The following MECOM variants were observed in gnomAD, a reference collection of about 807,000 sequenced individuals.
MECOM encodes histone-lysine N-methyltransferase MECOM.
A neutral mutation model predicts 116.3 loss-of-function variants in MECOM; 13 were observed. The observed-to-expected ratio is 0.11, with a 90% CI of 0.07 to 0.18. The LOEUF (loss-of-function observed/expected upper bound fraction) is 0.18. MECOM is among the 10% of genes least tolerant of loss of function. The pLI is 1.00. For synonymous variants in MECOM, 528 were observed against 535.2 expected (o/e 0.99, Z 0.19); for missense variants, 1,299 against 1,509.0 (o/e 0.86, Z 2.31).
chr3:169,497,570 C>A (rs978419344), intron 1 of MECOM, among the ~76,000 whole-genome samples: 2 of 152,068 alleles, frequency 1.3e-5, no homozygotes, highest in African/African-American at 4.8e-5. Context: ...GTTGGCCAGG[C>A]TGGTCTCAAA....
At chr3:169,189,629 G>A (rs1184745780) in intron 2 of MECOM, among the ~76,000 whole-genome samples, 1 of 151,926 alleles carries the variant, frequency 6.6e-6, no homozygotes, top group Admixed American at 6.6e-5. Context: ...CCTTTTTGTT[G>A]TATCTGTGAG....
intron 1 of MECOM, among the ~76,000 whole-genome samples, chr3:169,405,178 C>T (rs1346866680): frequency 2.6e-5 from 4 of 152,084 alleles, no homozygotes; most frequent in Non-Finnish European, 5.9e-5. Context: ...ATCATCTAGT[C>T]TCTTTCTCTG....
intron 1 of MECOM, among the ~76,000 whole-genome samples, chr3:169,493,244 T>C (rs992845619): frequency 6.6e-5 from 10 of 152,154 alleles, no homozygotes; most frequent in Admixed American, 2.6e-4. Context: ...ATATGGTTTA[T>C]TTGCAAATAT....
chr3:169,544,062 A>G (rs1451203073), intron 1 of MECOM, among the ~76,000 whole-genome samples: 2 of 152,000 alleles, frequency 1.3e-5, no homozygotes, highest in African/African-American at 4.8e-5. Context: ...ATTTTTTTGT[A>G]TTTTTAGGAG....
chr3:169,245,648 G>T (rs1160931545), intron 2 of MECOM, among the ~76,000 whole-genome samples: 1 of 152,158 alleles, frequency 6.6e-6, no homozygotes, highest in African/African-American at 2.4e-5. Flanking sequence ...TCTTAGGAGA[G>T]AATGTTTCTA....
intron 1 of MECOM, among the ~76,000 whole-genome samples, chr3:169,470,550 A>C (rs546940896): frequency 1.3e-5 from 2 of 152,292 alleles, no homozygotes; most frequent in African/African-American, 4.8e-5. Flanking sequence ...GAAAGCAGGA[A>C]TCATGGGGTA....
chr3:169,588,223 A>C (rs1447057482), intron 1 of MECOM, among the ~76,000 whole-genome samples: 1 of 152,208 alleles, frequency 6.6e-6, no homozygotes, highest in Non-Finnish European at 1.5e-5. Flanking sequence ...AGTAAATAAC[A>C]AAATAAGAAC....
At chr3:169,396,305 C>T (rs957671231) in intron 1 of MECOM, among the ~76,000 whole-genome samples, 1 of 152,028 alleles carries the variant, frequency 6.6e-6, no homozygotes, top group Admixed American at 6.6e-5. Flanking sequence ...TGTATTTGAG[C>T]CTCAGTTTCT....
intron 1 of MECOM, among the ~76,000 whole-genome samples, chr3:169,511,497 C>T (rs967211233): frequency 3.9e-5 from 6 of 152,178 alleles, no homozygotes; most frequent in African/African-American, 1.2e-4. Context: ...TGCAGTGGCT[C>T]ATGCCTGTAG....
chr3:169,648,287 C>T (rs1303252072), intron 1 of MECOM, among the ~76,000 whole-genome samples: 1 of 152,092 alleles, frequency 6.6e-6, no homozygotes, highest in African/African-American at 2.4e-5. Flanking sequence ...CTGATATTAC[C>T]ATAACTTGAG....
At chr3:169,200,274 T>C (rs1748974095) in intron 2 of MECOM, among the ~76,000 whole-genome samples, 1 of 152,106 alleles carries the variant, frequency 6.6e-6, no homozygotes, top group Non-Finnish European at 1.5e-5. Flanking sequence ...TGGACTTGGT[T>C]CATATTCTTT....
intron 1 of MECOM, among the ~76,000 whole-genome samples, chr3:169,587,761 A>G (rs937367906): frequency 1.3e-5 from 2 of 152,154 alleles, no homozygotes; most frequent in African/African-American, 4.8e-5. Context: ...ACACTGTCAT[A>G]GCCTAATGCT....
chr3:169,260,370 T>C (rs938850109), intron 2 of MECOM, among the ~76,000 whole-genome samples: 1 of 152,234 alleles, frequency 6.6e-6, no homozygotes, highest in Non-Finnish European at 1.5e-5. Flanking sequence ...GTCTGCTTTG[T>C]GCTTGCATTA....
chr3:169,366,503 T>C (rs34646903), intron 2 of MECOM, among the ~76,000 whole-genome samples: 2 of 152,010 alleles, frequency 1.3e-5, no homozygotes, highest in African/African-American at 4.8e-5. Flanking sequence ...TGTTCATCTG[T>C]GATTAGTTTA....
At chr3:169,632,123 G>T (rs1396056256) in intron 1 of MECOM, among the ~76,000 whole-genome samples, 1 of 151,978 alleles carries the variant, frequency 6.6e-6, no homozygotes, top group Non-Finnish European at 1.5e-5. Context: ...AGCAAGGAAA[G>T]GCCATTAGCT....
intron 2 of MECOM, among the ~76,000 whole-genome samples, chr3:169,265,822 A>G (rs889780468): frequency 8.5e-5 from 13 of 152,164 alleles, no homozygotes; most frequent in African/African-American, 3.1e-4. Flanking sequence ...CTTCGCTAGG[A>G]CCTCTGTCCC....
At chr3:169,589,287 A>G (rs1766123582) in intron 1 of MECOM, among the ~76,000 whole-genome samples, 1 of 152,108 alleles carries the variant, frequency 6.6e-6, no homozygotes, top group Non-Finnish European at 1.5e-5. Context: ...CGCTTCCCAC[A>G]GAGACACAAG....
chr3:169,356,387 G>A (rs1727285594), intron 2 of MECOM, among the ~76,000 whole-genome samples: 1 of 151,810 alleles, frequency 6.6e-6, no homozygotes, highest in Non-Finnish European at 1.5e-5. Context: ...AGAGTTTTTT[G>A]TATAAAAAGA....
At chr3:169,150,855 A>G (rs1351734700) in intron 2 of MECOM, among the ~76,000 whole-genome samples, 1 of 152,108 alleles carries the variant, frequency 6.6e-6, no homozygotes, top group African/African-American at 2.4e-5. Context: ...CTGGGGTGGG[A>G]GAGGTTAATG....
Sources: gnomAD v4.1 joint callset for allele counts (sites outside exome capture counted in the v4.1 genomes callset) on GRCh38, gnomAD v4.1.1 for gene constraint, MANE v1.5 for transcripts, NCBI Gene and HGNC (gene_info 2026-07-23, HGNC 2026-07-21) for gene names.